Variants in FGD1 observed in about 807,000 individuals in gnomAD.
FGD1 encodes the protein FYVE, RhoGEF and PH domain containing 1.
In FGD1, 12 loss-of-function variants were observed where a neutral mutation model predicts 65.0. The ratio of observed to expected loss-of-function variants is 0.18; its 90% CI spans 0.12 to 0.30. The LOEUF is 0.30. Among genes scored for constraint, FGD1 ranks in the 10% least tolerant of loss-of-function variants. The pLI is 1.00. For missense variants in FGD1, 542 were observed against 837.6 expected (o/e 0.65, Z 4.36); for synonymous variants, 333 against 343.9 (o/e 0.97, Z 0.35).
chrX:54,465,875 T>C, intron 6 of FGD1, 23 bp from the exon 7 acceptor site: 3 of 1,210,134 alleles, frequency 2.5e-6, no homozygotes, highest in Non-Finnish European at 3.4e-6. Flanking sequence ...TAGGGGCTGA[T>C]GTGGTCCTGC....
chrX:54,456,910 C>T (rs990505787), intron 8 of FGD1, among the ~76,000 whole-genome samples: 91 of 111,338 alleles, frequency 8.2e-4, no homozygotes, highest in African/African-American at 2.9e-3. Context: ...GGATTACAGG[C>T]GTGAGCCACC....
intron 12 of FGD1, among the ~76,000 whole-genome samples, chrX:54,450,769 C>T (rs369037462): frequency 9.0e-5 from 10 of 111,344 alleles, no homozygotes; most frequent in Non-Finnish European, 1.5e-4. Context: ...ATCAGTTGGC[C>T]GGGTGTGGGT....
Position 54,446,048 on chromosome X carries a change from C to T in FGD1, c.*61G>A, listed in dbSNP as rs1408580158. 18 of 952,185 alleles carry T rather than the reference C, an allele frequency of 1.9e-5. No homozygotes were observed. Among genetic ancestry groups the T allele is most frequent in the Non-Finnish European group, 1.8e-5 (12 of 683,890 alleles). The allele number at this position is 952,185 out of a possible 1,213,427, so 78.5% of individuals were successfully genotyped here. A position where few individuals can be genotyped will look rare whatever the true frequency, so the allele number is the denominator to read the frequency against. On this transcript the variant is annotated 3_prime_UTR_variant, in exon 18 of 18. Coordinates refer to ENST00000375135, the MANE Select transcript of FGD1 (RefSeq NM_004463.3). Reference sequence around the variant, plus strand: ...GAGCTGGGAGGGAAGGGGCTAGAGCCCCCAATCAGACATGGGCAACTAGAG... The same window carrying T: ...GAGCTGGGAGGGAAGGGGCTAGAGCTCCCAATCAGACATGGGCAACTAGAG...
rs1376584350 is a variant in FGD1 at position 54,456,517 on chromosome X, G to T, written c.1687C>A (p.Arg563Ser). 8.3e-7 allele frequency: 1 copy of T among 1,209,325 alleles called. No homozygotes were observed. Among genetic ancestry groups the T allele is most frequent in the Non-Finnish European group, 1.1e-6 (1 of 894,751 alleles). The change falls in exon 9 of 18, where the codon CGC becomes AGC. Residue 563 changes from arginine to serine, a missense_variant. Around this residue, in one of 6 missense-constraint regions of FGD1, gnomAD observed 41 missense variants for 109.5 expected, o/e 0.37. Transcript: ENST00000375135. ...CTAGAAGGGCCACTCACCATTTTGC[G>T]GATGGCAGCATTCGAGTGCTCTGCT... ...TAAEHSNAAI[R>S]KMERMHKLLK...
intron 3 of FGD1, 23 bp downstream of exon 3, chrX:54,470,560 G>A (rs751782297): frequency 1.0e-5 from 12 of 1,192,105 alleles, no homozygotes; most frequent in Non-Finnish European, 1.4e-5. Flanking sequence ...TCCCCTAGAG[G>A]GTGCCCTAGG....
Position 54,482,491 on chromosome X carries a change from G to A in FGD1, c.308-11004C>T, listed in dbSNP as rs759777961. ...GAGTGGAACTGCAGCTGGGAGCACT[G>A]GGAGCAGTAATTACCAGATGCTGGG... On this transcript the variant is annotated intron_variant, in intron 1 of 17. Coordinates refer to ENST00000375135, the MANE Select transcript of FGD1 (RefSeq NM_004463.3). Among the ~76,000 whole-genome samples, 96 of 112,077 alleles carry A rather than the reference G, an allele frequency of 8.6e-4. 4 individuals are homozygous for A. The South Asian group carries it at 0.036, about 42-fold the overall frequency.
At position 54,467,932 on chromosome X, in the gene FGD1, C is replaced by A; in HGVS notation, c.1192G>T (p.Val398Leu). The change falls in exon 6 of 18, where the codon GTG becomes TTG. Residue 398 changes from valine (V) to leucine (L), a missense_variant and splice_region_variant. Val to Leu is a conservative substitution (Grantham distance 32). Around this residue, in one of 6 missense-constraint regions of FGD1, gnomAD observed 22 missense variants for 46.4 expected, o/e 0.47. Coordinates refer to ENST00000375135, the MANE Select transcript of FGD1 (RefSeq NM_004463.3). ...YVSRLHLLDQ[V>L]FCARLLEEAR... The stretch of plus-strand genomic sequence containing the variant: ...TCTTCCAGCAGCCGGGCACAGAACA[C>A]CTGTGGGGCAGGGCAGAAGCACTCA... 1 of 1,176,830 alleles carries A rather than the reference C, an allele frequency of 8.5e-7. No homozygotes were observed. The highest frequency in any genetic ancestry group is 1.1e-6 in the Non-Finnish European group (1 of 877,322).
At position 54,455,539 on chromosome X, in the gene FGD1, C is replaced by A; in HGVS notation, c.1936-12G>T. The A allele has an allele frequency of 8.4e-7, 1 of 1,185,005 alleles. No individual in the cohort carries two copies. The highest frequency in any genetic ancestry group is 1.1e-6 in the Non-Finnish European group (1 of 871,392). On this transcript the variant is annotated splice_polypyrimidine_tract_variant and intron_variant, in intron 11 of 17. Coordinates refer to ENST00000375135, the MANE Select transcript of FGD1 (RefSeq NM_004463.3). ...GAGCTCTCCTTTAGCTGAATGGAGG[C>A]AGAAAGGGGCATGGTGAGGCCACTG... is the stretch of plus-strand genomic sequence containing the variant.
chrX:54,484,385 A>G (rs1165025683), intron 1 of FGD1, among the ~76,000 whole-genome samples: 1 of 110,452 alleles, frequency 9.1e-6, no homozygotes, highest in East Asian at 2.8e-4. Flanking sequence ...CTTGTTGCCT[A>G]CCTGGCACCT....
intron 10 of FGD1, 72 bp from the exon 11 acceptor site, chrX:54,455,856 A>G: frequency 3.3e-6 from 3 of 898,783 alleles, no homozygotes; most frequent in Non-Finnish European, 4.8e-6. Flanking sequence ...CTTGCCCTGA[A>G]GCTTTACTGC....
At chrX:54,468,254 G>A (rs1922809384) in intron 5 of FGD1, among the ~76,000 whole-genome samples, 1 of 111,602 alleles carries the variant, frequency 9.0e-6, no homozygotes, top group African/African-American at 3.3e-5. Flanking sequence ...GCTGCCAAGA[G>A]TTAGGCTTTG....
intron 8 of FGD1, among the ~76,000 whole-genome samples, chrX:54,464,368 A>T (rs1378180649): frequency 9.0e-6 from 1 of 111,180 alleles, no homozygotes; most frequent in Non-Finnish European, 1.9e-5. Context: ...TCCTGACCTC[A>T]GGCGATCCCC....
At chrX:54,478,833 C>A (rs1055908184) in intron 1 of FGD1, among the ~76,000 whole-genome samples, 2 of 110,415 alleles carry the variant, frequency 1.8e-5, no homozygotes, top group Non-Finnish European at 3.8e-5. Context: ...TGCAACCCAA[C>A]GTAAAACTGT....
Position 54,465,801 on chromosome X carries a change from G to A in FGD1, c.1392C>T (p.Leu464=), listed in dbSNP as rs371568066. The change falls in exon 7 of 18, where the codon CTC becomes CTT. Residue 464 remains leucine (L), a synonymous_variant. Coordinates refer to ENST00000375135, the MANE Select transcript of FGD1 (RefSeq NM_004463.3). ...TCTTCACATACTCACCATACATCTT[G>A]AGGAAGGGGGCCAGTTTCTGCAGGA... ...GDILQKLAPF[L]KMYGEYVKNF... is the part of the protein sequence containing the mutation. 65 of 1,209,437 alleles carry A rather than the reference G, an allele frequency of 5.4e-5. No individual in the cohort carries two copies. The highest frequency in any genetic ancestry group is 6.5e-5 in the Non-Finnish European group (58 of 895,089).
rs1489654067 is a variant in FGD1 at position 54,445,739 on chromosome X, A to T, written c.*370T>A. The T allele has an allele frequency of 1.9e-5, 3 of 160,977 alleles. No individual in the cohort carries two copies. Among genetic ancestry groups the T allele is most frequent in the Non-Finnish European group, 3.4e-5 (3 of 88,135 alleles). 13.3% of individuals were successfully genotyped at this position (160,977 alleles called of 1,213,427 possible). On this transcript the variant is annotated 3_prime_UTR_variant, in exon 18 of 18. Coordinates refer to ENST00000375135, the MANE Select transcript of FGD1 (RefSeq NM_004463.3). ...GTCGGGGCCCCAGGGTCAGTGGCAG[A>T]GCTGGCACTTGAATCCAGGTCTCCT...
chrX:54,465,367 TAA>T, intron 8 of FGD1, 82 bp downstream of exon 8: 1 of 1,042,191 alleles, frequency 9.6e-7, no homozygotes, highest in Non-Finnish European at 1.3e-6. Flanking sequence ...CCCTGTGAAT[TAA>T]GTCTTGGGGT....
In FGD1 at chrX:54,495,104, GCT is replaced by G. The variant is rs1923499085; in HGVS notation, c.307+20_307+21del. On this transcript the variant is annotated intron_variant, in intron 1 of 17. Coordinates refer to ENST00000375135, the MANE Select transcript of FGD1 (RefSeq NM_004463.3). ...CCAGGCCCGTGGCCCGGGCTCCCATGCTCTCTCAGTCGCTCACTCACCAGGCC... is the reference window on the plus strand; with the variant it reads ...CCAGGCCCGTGGCCCGGGCTCCCATGCTCTCAGTCGCTCACTCACCAGGCC... The G allele has an allele frequency of 1.7e-6, 2 of 1,166,583 alleles. No individual in the cohort carries two copies. The highest frequency in any genetic ancestry group is 6.3e-5 in the East Asian group (2 of 31,580).
Position 54,449,704 on chromosome X carries a change from C to G in FGD1, c.2103G>C (p.Leu701Phe). ...CTTCATCTTCCCTGTTTGTTGAGTT[C>G]AACAGTTTGAAAGTCTCCAGCGTCT... is the stretch of plus-strand genomic sequence containing the variant. ...HEQTLETFKL[L>F]NSTNREDEDT... The change falls in exon 14 of 18, where the codon TTG (leucine) becomes TTC (phenylalanine). Residue 701 changes from leucine (L) to phenylalanine (F), a missense_variant. Leu to Phe is a conservative substitution (Grantham distance 22, BLOSUM62 0). Around this residue, in one of 6 missense-constraint regions of FGD1, gnomAD observed 182 missense variants for 311.4 expected, o/e 0.58. Transcript: ENST00000375135. The G allele has an allele frequency of 8.3e-7, 1 of 1,209,153 alleles. No individual in the cohort carries two copies. Among genetic ancestry groups the G allele is most frequent in the Non-Finnish European group, 1.1e-6 (1 of 893,707 alleles).
chrX:54,448,118 T>C (rs1922282020), intron 16 of FGD1, among the ~76,000 whole-genome samples: 1 of 111,949 alleles, frequency 8.9e-6, no homozygotes, highest in African/African-American at 3.2e-5. Context: ...AGGGATACGG[T>C]ATTTTATTAT....
Sources: allele counts gnomAD v4.1 joint callset (sites outside exome capture counted in the v4.1 genomes callset), GRCh38; gene constraint gnomAD v4.1.1; regional missense constraint gnomAD v4.1.1; transcripts MANE v1.5; gene names NCBI Gene and HGNC (gene_info 2026-07-23, HGNC 2026-07-21).